The following SEMA3D variants were observed in gnomAD, a reference collection of about 807,000 sequenced individuals.
The protein encoded by SEMA3D is semaphorin 3D.
SEMA3D carries 84 observed loss-of-function variants against 100.1 expected under a neutral mutation model. That is an observed-to-expected ratio of 0.84 (90% CI 0.70 to 1.01). SEMA3D has a LOEUF of 1.01. SEMA3D is among the 50% of genes least tolerant of loss of function. The probability of loss-of-function intolerance (pLI) is 0.00; values close to 1 mark genes in which losing one functional copy is unlikely to be tolerated. For missense variants in SEMA3D, 875 were observed against 934.1 expected (o/e 0.94, Z 0.82); for synonymous variants, 312 against 320.7 (o/e 0.97, Z 0.29).
intron 12 of SEMA3D, chr7:85,029,471 G>C (rs1241432322): frequency 1.3e-5 from 9 of 714,886 alleles, no homozygotes; most frequent in Non-Finnish European, 2.3e-5. Context: ...AAGATTCTTA[G>C]CAAGTGCCAT....
intron 12 of SEMA3D, among the ~76,000 whole-genome samples, chr7:85,027,252 C>A (rs2115884007): frequency 6.6e-6 from 1 of 152,132 alleles, no homozygotes; most frequent in Middle Eastern, 3.4e-3. Context: ...TTTTCAATGA[C>A]TCTTACAATG....
the SEMA3D span, among the ~76,000 whole-genome samples, chr7:85,196,470 T>A: frequency 7.2e-5 from 11 of 152,152 alleles, no homozygotes; most frequent in Non-Finnish European, 1.5e-4. Flanking sequence ...TGGACTGTAT[T>A]AGATTAATAA....
chr7:85,126,397 T>TC (rs1562828049), intron 2 of SEMA3D, among the ~76,000 whole-genome samples: 7 of 113,222 alleles, frequency 6.2e-5, no homozygotes, highest in African/African-American at 2.0e-4. Flanking sequence ...TGTGTGTGTG[T>TC]GTGTGTCGTG....
At position 84,998,871 on chromosome 7, in the gene SEMA3D, C is replaced by T. The variant is rs1297417552; in HGVS notation, c.*569G>A. On this transcript the variant is annotated 3_prime_UTR_variant, in exon 19 of 19. Coordinates refer to ENST00000284136, the MANE Select transcript of SEMA3D (RefSeq NM_001384900.1). ...TGTTGTAGTACACTAAATTTAACCC[C>T]AGTGGCCAGAAAGAAATAATGCACC... 6.5e-6 allele frequency: 1 copy of T among 153,528 alleles called. No homozygotes were observed. The highest frequency in any genetic ancestry group is 2.4e-5 in the African/African-American group (1 of 41,418). The allele number at this position is 153,528 out of a possible 1,614,324, so 9.5% of individuals were successfully genotyped here.
At chr7:85,147,087 C>CTTTTTTTTTTTTTTTTTTTTTTTTTTT (rs1583966727) in intron 2 of SEMA3D, among the ~76,000 whole-genome samples, 1 of 55,762 alleles carries the variant, frequency 1.8e-5, no homozygotes, top group African/African-American at 9.1e-5. Context: ...TTTTCTTTTT[C>CTTTTTTTTTTTTTTTTTTTTTTTTTTT]TTTTCTTTTT....
chr7:85,144,316 A>G (rs1790138088), intron 2 of SEMA3D: 11 of 278,438 alleles, frequency 4.0e-5, no homozygotes, highest in Non-Finnish European at 5.4e-5. Flanking sequence ...AACAAATGTA[A>G]AAGTTTTCTG....
At chr7:85,127,382 G>T (rs1330669160) in intron 2 of SEMA3D, among the ~76,000 whole-genome samples, 2 of 151,918 alleles carry the variant, frequency 1.3e-5, no homozygotes, top group Non-Finnish European at 2.9e-5. Context: ...ATTTTACTTG[G>T]GTTTGCATGC....
At chr7:85,200,539 G>A in the SEMA3D span, among the ~76,000 whole-genome samples, 1 of 152,166 alleles carries the variant, frequency 6.6e-6, no homozygotes, top group Non-Finnish European at 1.5e-5. Flanking sequence ...TTCAAGAGGA[G>A]ACTTGGGTGC....
chr7:85,047,045 T>TA (rs1294317331), intron 9 of SEMA3D, among the ~76,000 whole-genome samples: 1 of 151,900 alleles, frequency 6.6e-6, no homozygotes, highest in Non-Finnish European at 1.5e-5. Context: ...AAAGTATATG[T>TA]AAACAAGCCT....
chr7:85,144,338 G>A (rs1340331669), intron 2 of SEMA3D: 4 of 335,314 alleles, frequency 1.2e-5, no homozygotes, highest in Admixed American at 1.3e-4. Flanking sequence ...TAACTGAATC[G>A]AGTATCATTT....
At chr7:85,136,471 CATCT>C (rs1789871155) in intron 2 of SEMA3D, among the ~76,000 whole-genome samples, 1 of 152,064 alleles carries the variant, frequency 6.6e-6, no homozygotes, top group Non-Finnish European at 1.5e-5. Context: ...AAGCTTATAT[CATCT>C]ATCTATTGAT....
chr7:85,144,653 T>G, intron 2 of SEMA3D: 1 of 985,212 alleles, frequency 1.0e-6, no homozygotes, highest in Non-Finnish European at 1.2e-6. Context: ...GCCTGCAATA[T>G]CCAACATTTA....
chr7:85,108,492 C>T (rs1360981199), intron 3 of SEMA3D, among the ~76,000 whole-genome samples: 2 of 152,004 alleles, frequency 1.3e-5, no homozygotes, highest in East Asian at 1.9e-4. Context: ...AACATGCATT[C>T]GAGGATTCTT....
At chr7:85,034,302 T>TA (rs886485182) in intron 12 of SEMA3D, among the ~76,000 whole-genome samples, 3 of 151,916 alleles carry the variant, frequency 2.0e-5, no homozygotes, top group Admixed American at 2.0e-4. Flanking sequence ...AAAAAATAGT[T>TA]AAAAAAGCAT....
chr7:84,999,903 CAG>C, intron 18 of SEMA3D, 38 bp from the exon 19 acceptor site: 1 of 1,555,072 alleles, frequency 6.4e-7, no homozygotes, highest in South Asian at 1.1e-5. Flanking sequence ...AAATTAAACA[CAG>C]AGAGAGCTAA....
At chr7:85,156,139 G>C (rs946753715) in intron 1 of SEMA3D, among the ~76,000 whole-genome samples, 5 of 146,242 alleles carry the variant, frequency 3.4e-5, no homozygotes, top group Non-Finnish European at 6.0e-5. Flanking sequence ...GTCTCGCTCT[G>C]TCACCCAGGC....
At chr7:85,006,600 A>C (rs1000925242) in intron 18 of SEMA3D, among the ~76,000 whole-genome samples, 3 of 152,140 alleles carry the variant, frequency 2.0e-5, no homozygotes, top group Admixed American at 1.3e-4. Context: ...GTCTGCTTTC[A>C]AATATATTTT....
At chr7:85,135,694 GA>G (rs1397399732) in intron 2 of SEMA3D, among the ~76,000 whole-genome samples, 3 of 141,648 alleles carry the variant, frequency 2.1e-5, no homozygotes, top group Non-Finnish European at 3.1e-5. Context: ...CATTAAAAAA[GA>G]AAAAATTAGA....
intron 2 of SEMA3D, among the ~76,000 whole-genome samples, chr7:85,151,455 A>C (rs1790383446): frequency 6.6e-6 from 1 of 152,086 alleles, no homozygotes. Context: ...GTAGCAGATT[A>C]TTTTCAAAAT....
Sources: allele counts gnomAD v4.1 joint callset (sites outside exome capture counted in the v4.1 genomes callset), GRCh38; gene constraint gnomAD v4.1.1; transcripts MANE v1.5; gene names NCBI Gene and HGNC (gene_info 2026-07-23, HGNC 2026-07-21).